Variants in TXNDC12 observed in about 807,000 individuals in gnomAD.
TXNDC12 encodes the protein thioredoxin domain-containing protein 12.
A neutral mutation model predicts 24.2 loss-of-function variants in TXNDC12; 22 were observed. The ratio of observed to expected loss-of-function variants is 0.91; its 90% CI spans 0.65 to 1.30. The LOEUF is 1.30. Among genes scored for constraint, TXNDC12 ranks in the 50% most tolerant of loss-of-function variants. TXNDC12 has a pLI of 0.00. For missense variants in TXNDC12, 184 were observed against 205.8 expected (o/e 0.89, Z 0.65); for synonymous variants, 58 against 73.4 (o/e 0.79, Z 1.07).
At chr1:52,032,613 T>A (rs1157898631) in intron 2 of TXNDC12, 2 of 1,516,894 alleles carry the variant, frequency 1.3e-6, no homozygotes, top group African/African-American at 2.8e-5. Flanking sequence ...ATCGATATGC[T>A]CTGGAGACCT....
chr1:52,034,446 G>A (rs922112424), intron 2 of TXNDC12, among the ~76,000 whole-genome samples: 2 of 152,156 alleles, frequency 1.3e-5, no homozygotes, highest in Non-Finnish European at 2.9e-5. Flanking sequence ...CCTTAGTAGG[G>A]TTGCCAGATA....
chr1:52,047,564 CT>C (rs1250474188), intron 1 of TXNDC12, among the ~76,000 whole-genome samples: 1 of 152,016 alleles, frequency 6.6e-6, no homozygotes, highest in Non-Finnish European at 1.5e-5. Flanking sequence ...TAAATATTGT[CT>C]GTATAGCAAT....
At chr1:52,026,929 G>C (rs755639690) in intron 4 of TXNDC12, among the ~76,000 whole-genome samples, 1 of 151,946 alleles carries the variant, frequency 6.6e-6, no homozygotes, top group Non-Finnish European at 1.5e-5. Context: ...CCAACCACTC[G>C]GGAGGCGGAG....
At chr1:52,037,464 G>A (rs536314533) in intron 2 of TXNDC12, among the ~76,000 whole-genome samples, 13 of 152,102 alleles carry the variant, frequency 8.5e-5, no homozygotes, top group Non-Finnish European at 1.8e-4. Flanking sequence ...CCCCGACCTC[G>A]GCCTCCCAAG....
intron 1 of TXNDC12, among the ~76,000 whole-genome samples, chr1:52,053,786 C>T: frequency 6.6e-6 from 1 of 152,170 alleles, no homozygotes; most frequent in East Asian, 1.9e-4. Context: ...GATGGAAACC[C>T]ACATATCACC....
intron 1 of TXNDC12, among the ~76,000 whole-genome samples, chr1:52,041,827 G>A (rs2124383356): frequency 6.6e-6 from 1 of 152,300 alleles, no homozygotes; most frequent in South Asian, 2.1e-4. Context: ...TTTCAAAGGA[G>A]GCTAAATTTA....
intron 6 of TXNDC12, 33 bp downstream of exon 6, chr1:52,023,458 C>T: frequency 6.4e-7 from 1 of 1,555,604 alleles, no homozygotes; most frequent in Admixed American, 1.7e-5. Flanking sequence ...TTCAATCTAG[C>T]AATAATCCTC....
chr1:52,054,152 AGAG>A (rs1264949824), intron 1 of TXNDC12, among the ~76,000 whole-genome samples: 2 of 152,126 alleles, frequency 1.3e-5, no homozygotes, highest in Non-Finnish European at 2.9e-5. Context: ...GTGAAAATAG[AGAG>A]GATAAGAGAA....
chr1:52,040,945 G>C (rs1358717762), intron 2 of TXNDC12, among the ~76,000 whole-genome samples: 1 of 151,404 alleles, frequency 6.6e-6, no homozygotes, highest in Non-Finnish European at 1.5e-5. Context: ...GGCTTGACAA[G>C]AATTGCTTGA....
chr1:52,031,559 C>G (rs1685757643), intron 2 of TXNDC12, among the ~76,000 whole-genome samples: 1 of 151,914 alleles, frequency 6.6e-6, no homozygotes, highest in South Asian at 2.1e-4. Context: ...GTGGTGCGAT[C>G]TCAGCTCACT....
At chr1:52,049,600 T>C (rs1686160911) in intron 1 of TXNDC12, among the ~76,000 whole-genome samples, 1 of 152,126 alleles carries the variant, frequency 6.6e-6, no homozygotes, top group African/African-American at 2.4e-5. Context: ...AACAACAAAA[T>C]AGTCTACTGC....
In TXNDC12 at chr1:52,050,653, T is replaced by C. The variant is rs549208986; in HGVS notation, c.97+4347A>G. On this transcript the variant is annotated intron_variant, in intron 1 of 6. Transcript: ENST00000371626. ...AACACTGTACCTGAGACATAGAACA[T>C]AGTGGCTAAATACTGATTGTCTCAG... is the stretch of plus-strand genomic sequence containing the variant. Among the ~76,000 whole-genome samples, 9 of 152,330 alleles carry C rather than the reference T, an allele frequency of 5.9e-5. No homozygotes were observed. The East Asian group carries it at 1.2e-3, about 20-fold the overall frequency.
At position 52,033,036 on chromosome 1, in the gene TXNDC12, C is replaced by G; in HGVS notation, c.159-4406G>C. 1.9e-6 allele frequency: 3 copies of G among 1,576,280 alleles called. No homozygotes were observed. In the South Asian group the frequency reaches 3.6e-5, roughly 19 times the overall value. On this transcript the variant is annotated intron_variant, in intron 2 of 6. Transcript: ENST00000371626. ...TCTCAAACAGGGCAGAGCGGATCCC[C>G]GCCAGGGGCAACGGCTCCTCTAGGC...
intron 5 of TXNDC12, 133 bp downstream of exon 5, chr1:52,024,377 C>A (rs1265220083): frequency 7.3e-6 from 5 of 683,234 alleles, no homozygotes; most frequent in African/African-American, 3.6e-5. Context: ...AGAACTCCCC[C>A]ACTCTCTCTT....
chr1:52,055,207 A>AT (rs887808527), upstream of TXNDC12: 10,941 of 536,978 alleles, frequency 0.02, no homozygotes, highest in East Asian at 0.027. Context: ...TACTTCCCAG[A>AT]TTTTTTTTTT....
upstream of TXNDC12, chr1:52,055,202 C>G (rs921728398): frequency 1.3e-6 from 1 of 743,832 alleles, no homozygotes; most frequent in Non-Finnish European, 2.3e-6. Flanking sequence ...ACCTCTACTT[C>G]CCAGATTTTT....
At chr1:52,043,776 T>C (rs1038397013) in intron 1 of TXNDC12, among the ~76,000 whole-genome samples, 9 of 152,262 alleles carry the variant, frequency 5.9e-5, no homozygotes, top group African/African-American at 1.7e-4. Flanking sequence ...AGCTGAGATT[T>C]AAATTGCAAT....
chr1:52,020,336 G>C lies in TXNDC12; in HGVS notation c.*597C>G. ...CACAGCCAGTCCTGCACACGCATGC[G>C]TGCAAACAGGGAAGCTCAAGCATGA... On this transcript the variant is annotated 3_prime_UTR_variant, in exon 7 of 7. Coordinates refer to ENST00000371626, the MANE Select transcript of TXNDC12 (RefSeq NM_015913.4). 1 of 413,922 alleles carries C rather than the reference G, an allele frequency of 2.4e-6. No homozygotes were observed. Among genetic ancestry groups the C allele is most frequent in the Middle Eastern group, 7.1e-4 (1 of 1,416 alleles). The allele number at this position is 413,922 out of a possible 1,614,324, so 25.6% of individuals were successfully genotyped here. A position where few individuals can be genotyped will look rare whatever the true frequency, so the allele number is the denominator to read the frequency against.
intron 2 of TXNDC12, 100 bp from the exon 3 acceptor site, chr1:52,028,730 A>G: frequency 1.1e-6 from 1 of 906,660 alleles, no homozygotes. Flanking sequence ...TATTATTTCA[A>G]TTGGGAAAAT....
Sources: gnomAD v4.1 joint callset for allele counts (sites outside exome capture counted in the v4.1 genomes callset) on GRCh38, gnomAD v4.1.1 for gene constraint, MANE v1.5 for transcripts, NCBI Gene and HGNC (gene_info 2026-07-23, HGNC 2026-07-21) for gene names.